Variants in AK9 observed in about 807,000 individuals in gnomAD.
The protein encoded by AK9 is adenylate kinase 9, also known as adenylate kinase domain containing 1.
In AK9, 191 loss-of-function variants were observed where a neutral mutation model predicts 239.6. The observed-to-expected ratio is 0.80, with a 90% CI of 0.71 to 0.90. The LOEUF is 0.90. AK9 is among the 40% of genes least tolerant of loss of function. The pLI is 0.00. For missense variants in AK9, 1,995 were observed against 2,214.7 expected (o/e 0.90, Z 1.99); for synonymous variants, 689 against 721.0 (o/e 0.96, Z 0.71).
Position 109,619,224 on chromosome 6 carries a change from C to T in AK9, c.1267G>A (p.Ala423Thr), listed in dbSNP as rs1467974945. 8 of 1,545,110 alleles carry T rather than the reference C, an allele frequency of 5.2e-6. No homozygotes were observed. In the South Asian group the frequency reaches 6.1e-5, roughly 12 times the overall value. Residue 423 changes from alanine (A) to threonine (T), a missense_variant, in exon 13 of 41, where the codon GCC (alanine) becomes ACC (threonine). Physicochemically the swap from Ala to Thr is moderately conservative, Grantham distance 58 (BLOSUM62 0). This residue lies in a region of AK9 where 1,290 missense variants were observed against 1,392.7 expected (regional missense o/e 0.93). Transcript: ENST00000424296. The stretch of plus-strand genomic sequence containing the variant: ...TCAAAACGTGGCTGAACAAGTTGGG[C>T]ATAGTCGACTACCTGCAAAGAATAT... Reference protein sequence around the residue: ...ENYKGKVVDYAQLVQPRFDKA... With the variant: ...ENYKGKVVDYTQLVQPRFDKA...
chr6:109,677,818 T>C (rs1171067032), intron 1 of AK9, among the ~76,000 whole-genome samples: 1 of 152,140 alleles, frequency 6.6e-6, no homozygotes, highest in African/African-American at 2.4e-5. Context: ...CATGAAAAGA[T>C]GTTAAAAATC....
At chr6:109,603,612 C>T (rs1012953547) in intron 17 of AK9, among the ~76,000 whole-genome samples, 13 of 152,278 alleles carry the variant, frequency 8.5e-5, no homozygotes, top group African/African-American at 3.1e-4. Flanking sequence ...CAGACAGGGA[C>T]ATTTAAGTCT....
intron 18 of AK9, 102 bp from the exon 19 acceptor site, chr6:109,585,339 A>C (rs1789367834): frequency 2.3e-6 from 1 of 432,974 alleles, no homozygotes; most frequent in African/African-American, 2.1e-5. Context: ...CTTATATCTA[A>C]ATACATTTTC....
At chr6:109,494,260 G>C (rs1403557218) in intron 39 of AK9, among the ~76,000 whole-genome samples, 165 bp from the exon 40 acceptor site, 1 of 152,146 alleles carries the variant, frequency 6.6e-6, no homozygotes, top group African/African-American at 2.4e-5. Flanking sequence ...CAACAGGAAA[G>C]AAATACAAAA....
intron 1 of AK9, chr6:109,690,556 G>T (rs975098771): frequency 1.4e-5 from 2 of 143,980 alleles, no homozygotes; most frequent in Non-Finnish European, 3.0e-5. Context: ...GGAGACCTCT[G>T]GCCGCCACGC....
At chr6:109,606,307 C>T (rs778837111) in intron 17 of AK9, among the ~76,000 whole-genome samples, 1 of 149,364 alleles carries the variant, frequency 6.7e-6, no homozygotes, top group Non-Finnish European at 1.5e-5. Flanking sequence ...GATAGGAGAC[C>T]GAGACTGGGG....
In AK9 at chr6:109,653,536, C is replaced by G. The variant is rs141377318; in HGVS notation, c.759+3220G>C. 2.4e-4 allele frequency among the ~76,000 whole-genome samples: 37 copies of G among 152,318 alleles called. No homozygotes were observed. The East Asian group carries it at 6.4e-3, about 26-fold the overall frequency. On this transcript the variant is annotated intron_variant, in intron 8 of 40. Transcript: ENST00000424296. ...TTCACGGAAAGTTTTTAACCCTTAT[C>G]TGGCATGTGGATTGCAAACATTTTT...
intron 24 of AK9, among the ~76,000 whole-genome samples, chr6:109,554,520 CTTTTCTTTTTTTTTTTTTTT>C (rs1784733119): frequency 1.0e-5 from 1 of 97,730 alleles, no homozygotes; most frequent in African/African-American, 4.1e-5. Flanking sequence ...GTTTGTATTT[CTTTTCTTTTTTTTTTTTTTT>C]TTTTTTTTGG....
intron 20 of AK9, among the ~76,000 whole-genome samples, chr6:109,575,339 C>T (rs953519248): frequency 7.9e-5 from 12 of 152,174 alleles, no homozygotes; most frequent in African/African-American, 2.9e-4. Context: ...ATGCCAACAT[C>T]TATTATTTTT....
intron 29 of AK9, among the ~76,000 whole-genome samples, chr6:109,518,562 A>G (rs1024961896): frequency 6.6e-6 from 1 of 151,972 alleles, no homozygotes; most frequent in Non-Finnish European, 1.5e-5. Flanking sequence ...ATAGTATTGT[A>G]TAAGATTAAA....
intron 40 of AK9, 146 bp from the exon 41 acceptor site, chr6:109,493,717 G>A (rs1437718466): frequency 3.7e-6 from 3 of 812,882 alleles, no homozygotes; most frequent in Non-Finnish European, 5.7e-6. Context: ...AGATTATTCT[G>A]TTTTAGGTCA....
intron 17 of AK9, among the ~76,000 whole-genome samples, chr6:109,601,712 C>G (rs948432414): frequency 3.3e-5 from 5 of 152,144 alleles, no homozygotes; most frequent in Admixed American, 2.0e-4. Context: ...GTGTGGGAGT[C>G]TAAGTCTCTT....
intron 17 of AK9, among the ~76,000 whole-genome samples, chr6:109,596,063 G>A (rs1039270501): frequency 4.6e-5 from 7 of 152,066 alleles, no homozygotes; most frequent in Non-Finnish European, 7.4e-5. Flanking sequence ...TTTCTATTGG[G>A]TATTGCAGTT....
At chr6:109,499,972 T>G (rs1261513471) in intron 35 of AK9, among the ~76,000 whole-genome samples, 1 of 151,960 alleles carries the variant, frequency 6.6e-6, no homozygotes, top group Non-Finnish European at 1.5e-5. Context: ...TACTCAACCA[T>G]TTATCTATTG....
At chr6:109,660,539 T>G (rs1800284401) in intron 6 of AK9, among the ~76,000 whole-genome samples, 1 of 152,180 alleles carries the variant, frequency 6.6e-6, no homozygotes, top group African/African-American at 2.4e-5. Context: ...GGGTAATTAT[T>G]GAGGTAAGAC....
chr6:109,562,618 G>A (rs571711598), intron 24 of AK9, among the ~76,000 whole-genome samples: 6 of 152,284 alleles, frequency 3.9e-5, no homozygotes, highest in Non-Finnish European at 8.8e-5. Flanking sequence ...TTACTTGGAA[G>A]CAGTTTGATC....
chr6:109,679,098 C>A (rs762511775), intron 1 of AK9, among the ~76,000 whole-genome samples: 7 of 152,108 alleles, frequency 4.6e-5, no homozygotes, highest in Non-Finnish European at 1.0e-4. Context: ...GGAACGCCAG[C>A]GAGACAGAAC....
chr6:109,677,848 C>A (rs904214986), intron 1 of AK9, among the ~76,000 whole-genome samples: 7 of 151,962 alleles, frequency 4.6e-5, no homozygotes, highest in African/African-American at 1.5e-4. Flanking sequence ...TAGAGAAATG[C>A]AATTAAAATA....
intron 21 of AK9, among the ~76,000 whole-genome samples, chr6:109,572,723 C>G (rs1787581509): frequency 1.3e-5 from 2 of 152,174 alleles, no homozygotes; most frequent in South Asian, 4.1e-4. Flanking sequence ...TCCAGACTAG[C>G]ATCCAGTTAC....
Sources: gnomAD v4.1 joint callset for allele counts (sites outside exome capture counted in the v4.1 genomes callset) on GRCh38, gnomAD v4.1.1 for gene constraint, gnomAD v4.1.1 regional missense constraint, MANE v1.5 for transcripts, NCBI Gene and HGNC (gene_info 2026-07-23, HGNC 2026-07-21) for gene names.